Variants in FRMD5 observed in about 807,000 individuals in gnomAD.
FRMD5 encodes the protein FERM domain-containing protein 5.
Under a neutral mutation model 69.0 loss-of-function variants are expected in FRMD5, and 20 were observed. The ratio of observed to expected loss-of-function variants is 0.29; its 90% confidence interval spans 0.20 to 0.42. The LOEUF is 0.42. FRMD5 is among the 10% of genes least tolerant of loss of function. FRMD5 has a pLI of 1.00. For synonymous variants in FRMD5, 271 were observed against 260.1 expected (o/e 1.04, Z -0.40); for missense variants, 595 against 708.6 (o/e 0.84, Z 1.82).
intron 1 of FRMD5, among the ~76,000 whole-genome samples, chr15:44,123,420 A>G (rs906155805): frequency 6.6e-5 from 10 of 152,292 alleles, no homozygotes; most frequent in African/African-American, 2.4e-4. Flanking sequence ...TTTATTTGGT[A>G]CTATTTTCGT....
intron 13 of FRMD5, among the ~76,000 whole-genome samples, chr15:43,875,364 ATATATATATAT>A (rs1428890841): frequency 1.3e-4 from 10 of 76,198 alleles, no homozygotes; most frequent in East Asian, 4.5e-4. Context: ...AAAAAAAAAA[ATATATATATAT>A]ATATATATAT....
At chr15:44,166,269 T>C (rs1459078539) in intron 1 of FRMD5, among the ~76,000 whole-genome samples, 1 of 152,150 alleles carries the variant, frequency 6.6e-6, no homozygotes, top group Admixed American at 6.5e-5. Context: ...GAGCTAGAGT[T>C]CTTTTTAGTG....
chr15:43,918,113 G>C (rs992349818), intron 4 of FRMD5, among the ~76,000 whole-genome samples: 2 of 152,138 alleles, frequency 1.3e-5, no homozygotes, highest in African/African-American at 4.8e-5. Context: ...CACCTGGCAT[G>C]CTCTTTAGAT....
At chr15:44,196,129 T>C (rs913162907), upstream of FRMD5, among the ~76,000 whole-genome samples, 6 of 152,286 alleles carry the variant, frequency 3.9e-5, no homozygotes, top group Admixed American at 1.3e-4. Flanking sequence ...ATAAGAGATA[T>C]TCTCCCTCAA....
chr15:43,899,517 T>G (rs562289295), intron 7 of FRMD5, among the ~76,000 whole-genome samples: 2 of 152,280 alleles, frequency 1.3e-5, no homozygotes, highest in African/African-American at 4.8e-5. Context: ...GGAATGCCAG[T>G]CTTCTTATCT....
intron 1 of FRMD5, among the ~76,000 whole-genome samples, chr15:44,050,698 C>G (rs951884429): frequency 6.7e-6 from 1 of 150,072 alleles, no homozygotes; most frequent in Non-Finnish European, 1.5e-5. Flanking sequence ...CGCTCTGTCG[C>G]CCAGGCTGGA....
intron 1 of FRMD5, among the ~76,000 whole-genome samples, chr15:44,052,053 G>A (rs931775482): frequency 6.6e-6 from 1 of 151,972 alleles, no homozygotes; most frequent in South Asian, 2.1e-4. Context: ...CTAAAGGAGT[G>A]AGGAGTTGTG....
At chr15:44,046,466 A>G (rs114877356) in intron 1 of FRMD5, among the ~76,000 whole-genome samples, 55 of 152,300 alleles carry the variant, frequency 3.6e-4, no homozygotes, top group African/African-American at 1.3e-3. Flanking sequence ...ATTTTCATTT[A>G]TGTCTTCAAG....
At chr15:44,178,257 G>A (rs1466121193) in intron 1 of FRMD5, among the ~76,000 whole-genome samples, 4 of 152,082 alleles carry the variant, frequency 2.6e-5, no homozygotes, top group African/African-American at 7.2e-5. Context: ...CCTGGGAGGT[G>A]GAAGTTGCAG....
At chr15:43,957,533 T>A (rs995299660) in intron 1 of FRMD5, among the ~76,000 whole-genome samples, 2 of 152,242 alleles carry the variant, frequency 1.3e-5, no homozygotes, top group Non-Finnish European at 2.9e-5. Flanking sequence ...GGCTAGAAAA[T>A]GTTGAGCCAG....
intron 1 of FRMD5, among the ~76,000 whole-genome samples, chr15:44,167,135 T>G (rs1661981666): frequency 6.6e-6 from 1 of 152,160 alleles, no homozygotes; most frequent in African/African-American, 2.4e-5. Flanking sequence ...TGGTTCATAT[T>G]GGCTGCCCAG....
chr15:43,934,172 A>G (rs1427817412), intron 1 of FRMD5, among the ~76,000 whole-genome samples: 1 of 152,174 alleles, frequency 6.6e-6, no homozygotes, highest in Non-Finnish European at 1.5e-5. Flanking sequence ...GGGTGGGTAT[A>G]GGAAATATGC....
intron 1 of FRMD5, among the ~76,000 whole-genome samples, chr15:44,077,343 G>A (rs1023378061): frequency 6.6e-6 from 1 of 151,974 alleles, no homozygotes; most frequent in Non-Finnish European, 1.5e-5. Context: ...GGATTTGTTT[G>A]TTTCTGAGAA....
intron 2 of FRMD5, among the ~76,000 whole-genome samples, chr15:43,921,293 C>G (rs2089490031): frequency 6.6e-6 from 1 of 152,138 alleles, no homozygotes. Context: ...AACAGCAACA[C>G]CCCCAGACAT....
chr15:43,888,677 A>G, intron 9 of FRMD5, 132 bp downstream of exon 9: 2 of 725,944 alleles, frequency 2.8e-6, no homozygotes, highest in Non-Finnish European at 2.4e-6. Context: ...TTGTACCTCC[A>G]GGTCCTGACC....
intron 1 of FRMD5, among the ~76,000 whole-genome samples, chr15:44,055,608 G>C (rs537547702): frequency 1.1e-4 from 17 of 152,186 alleles, no homozygotes; most frequent in African/African-American, 3.9e-4. Flanking sequence ...ACCAATTATT[G>C]CTATGAAAAA....
chr15:44,184,717 T>A (rs1394517928), intron 1 of FRMD5, among the ~76,000 whole-genome samples: 1 of 152,208 alleles, frequency 6.6e-6, no homozygotes, highest in African/African-American at 2.4e-5. Context: ...AGAAGGGCTA[T>A]CTTGTTCAGG....
chr15:43,994,897 A>C (rs1889850896), intron 1 of FRMD5, among the ~76,000 whole-genome samples: 2 of 152,196 alleles, frequency 1.3e-5, no homozygotes, highest in Non-Finnish European at 2.9e-5. Context: ...CAGCTTGAAG[A>C]ACTCCGTTCA....
chr15:44,183,967 T>C (rs2078056504), intron 1 of FRMD5, among the ~76,000 whole-genome samples: 1 of 148,390 alleles, frequency 6.7e-6, no homozygotes, highest in Admixed American at 6.7e-5. Flanking sequence ...ACAGAGCAAG[T>C]CTCCGTCTCA....
Sources: gnomAD v4.1 joint callset for allele counts (sites outside exome capture counted in the v4.1 genomes callset) on GRCh38, gnomAD v4.1.1 for gene constraint, MANE v1.5 for transcripts, NCBI Gene and HGNC (gene_info 2026-07-23, HGNC 2026-07-21) for gene names.